The following ZNF44 variants were observed in gnomAD, a reference collection of about 807,000 sequenced individuals.
The protein encoded by ZNF44 is zinc finger protein 44.
Under a neutral mutation model 11.7 loss-of-function variants are expected in ZNF44, and 9 were observed. The ratio of observed to expected loss-of-function variants is 0.77; its 90% CI spans 0.46 to 1.35. The LOEUF (loss-of-function observed/expected upper bound fraction) is 1.35, where lower values mean the gene tolerates loss of function less well. Ranked by LOEUF, ZNF44 falls within the 40% of genes most tolerant of loss-of-function variation. The pLI, the probability that ZNF44 is intolerant of heterozygous loss-of-function variation, is 0.00. For synonymous variants in ZNF44, 224 were observed against 242.7 expected (o/e 0.92, Z 0.72); for missense variants, 696 against 743.1 (o/e 0.94, Z 0.74).
At chr19:12,277,838 C>T (rs562372860) in intron 1 of ZNF44, among the ~76,000 whole-genome samples, 14 of 152,320 alleles carry the variant, frequency 9.2e-5, no homozygotes, top group Admixed American at 5.2e-4. Context: ...AAACAAGGCT[C>T]TCTTTTCTAT....
At position 12,272,893 on chromosome 19, in the gene ZNF44, T is replaced by C. The variant is rs1967017540; in HGVS notation, c.1362A>G (p.Gly454=). ...AGGAAAATAAATCACTAAAAGCTTT[T>C]CCACATTTACATTTATAGGGTTGCT... The part of the protein sequence containing the change: ...TGEQPYKCKC[G]KAFSDLFSFQ... Residue 454 remains glycine (G), a synonymous_variant, in exon 4 of 4, where the codon GGA becomes GGG. Transcript: ENST00000355684. The C allele has an allele frequency of 3.7e-6, 6 of 1,613,982 alleles. No individual in the cohort carries two copies. Among genetic ancestry groups the C allele is most frequent in the Non-Finnish European group, 5.1e-6 (6 of 1,180,022 alleles).
downstream of ZNF44, among the ~76,000 whole-genome samples, chr19:12,271,514 T>C (rs1966947193): frequency 2.0e-5 from 3 of 152,292 alleles, no homozygotes; most frequent in Admixed American, 6.5e-5. Flanking sequence ...TGTTTATCTA[T>C]GATGCCACAC....
upstream of ZNF44, among the ~76,000 whole-genome samples, chr19:12,239,289 T>G (rs747414659): frequency 2.0e-5 from 3 of 151,820 alleles, no homozygotes; most frequent in Non-Finnish European, 4.4e-5. Flanking sequence ...AATTTTTGTA[T>G]TTTTAGTATA....
At chr19:12,249,096 C>T (rs1007486227) in intron 7 of ZNF44, among the ~76,000 whole-genome samples, 8 of 151,842 alleles carry the variant, frequency 5.3e-5, no homozygotes, top group African/African-American at 1.7e-4. Context: ...ACTATGTTGC[C>T]GAGGCTGGTC....
chr19:12,258,444 AT>A (rs1457585903), intron 5 of ZNF44, among the ~76,000 whole-genome samples: 1 of 152,016 alleles, frequency 6.6e-6, no homozygotes, highest in Non-Finnish European at 1.5e-5. Context: ...AGGCCCATCA[AT>A]TTACATTGAG....
downstream of ZNF44, among the ~76,000 whole-genome samples, chr19:12,270,354 G>C (rs1442111289): frequency 6.6e-6 from 1 of 151,942 alleles, no homozygotes; most frequent in Non-Finnish European, 1.5e-5. Context: ...TGATGAAAAA[G>C]TGTAAGTGAT....
Position 12,288,989 on chromosome 19 carries a change from T to C in ZNF44, c.3+5703A>G, listed in dbSNP as rs113243816. ...GCTGAACAGTTTTGCCTCTACTGAT[T>C]ACTCTGAACAAAATGCTTCCAAAGG... On this transcript the variant is annotated intron_variant, in intron 1 of 3. Coordinates refer to ENST00000355684, the MANE Select transcript of ZNF44 (RefSeq NM_016264.4). 5.3e-3 allele frequency among the ~76,000 whole-genome samples: 807 copies of C among 151,638 alleles called. 12 individuals are homozygous for C. Among genetic ancestry groups the C allele is most frequent in the African/African-American group, 0.018 (759 of 41,256 alleles).
At chr19:12,227,238 T>C (rs1481205612) in intron 3 of ZNF44, among the ~76,000 whole-genome samples, 1 of 152,246 alleles carries the variant, frequency 6.6e-6, no homozygotes. Flanking sequence ...TAGACCTTTA[T>C]AGCTGATTAT....
At chr19:12,257,751 A>C (rs1481990350) in intron 5 of ZNF44, among the ~76,000 whole-genome samples, 3 of 148,248 alleles carry the variant, frequency 2.0e-5, no homozygotes, top group Non-Finnish European at 4.5e-5. Flanking sequence ...CAGTGAGCCG[A>C]GATCGCGCCA....
chr19:12,254,232 A>G (rs1917149060), intron 5 of ZNF44, among the ~76,000 whole-genome samples: 1 of 152,146 alleles, frequency 6.6e-6, no homozygotes, highest in African/African-American at 2.4e-5. Flanking sequence ...ATATGCTTGC[A>G]GACTACAATG....
chr19:12,257,908 T>G (rs1176240446), intron 5 of ZNF44, among the ~76,000 whole-genome samples: 1 of 150,800 alleles, frequency 6.6e-6, no homozygotes. Flanking sequence ...CTGGTGGAGA[T>G]TACAGTGAGC....
At chr19:12,260,538 GC>G in intron 5 of ZNF44, 5 of 880,448 alleles carry the variant, frequency 5.7e-6, no homozygotes, top group Admixed American at 2.3e-5. Flanking sequence ...GAGCTCCTGA[GC>G]CCCCTGCCCC....
intron 3 of ZNF44, among the ~76,000 whole-genome samples, chr19:12,274,664 G>A (rs915703274): frequency 6.6e-6 from 1 of 151,508 alleles, no homozygotes; most frequent in African/African-American, 2.4e-5. Flanking sequence ...CAAACTCCCA[G>A]GCTCAAGTGA....
chr19:12,246,689 A>G (rs1313385592), downstream of ZNF44, among the ~76,000 whole-genome samples: 1 of 152,164 alleles, frequency 6.6e-6, no homozygotes, highest in Non-Finnish European at 1.5e-5. Context: ...ATGTTCATTT[A>G]TGAAAATAAG....
chr19:12,268,145 GACACACACAC>G (rs71166661), downstream of ZNF44, among the ~76,000 whole-genome samples: 1,375 of 136,842 alleles, frequency 0.01, 16 homozygotes, highest in African/African-American at 0.033. Context: ...CACACACACA[GACACACACAC>G]ACACACACAC....
downstream of ZNF44, among the ~76,000 whole-genome samples, chr19:12,246,057 A>G (rs1228416452): frequency 6.6e-6 from 1 of 152,168 alleles, no homozygotes; most frequent in African/African-American, 2.4e-5. Flanking sequence ...ATTTGTCCCT[A>G]TGCATCTGTC....
chr19:12,251,688 A>G (rs1319356432), intron 5 of ZNF44, among the ~76,000 whole-genome samples: 3 of 152,158 alleles, frequency 2.0e-5, no homozygotes, highest in Admixed American at 6.5e-5. Flanking sequence ...AAAATGCCAA[A>G]AGAGCTCTTT....
At chr19:12,248,798 T>A (rs1193196630) in intron 7 of ZNF44, 6 of 556,030 alleles carry the variant, frequency 1.1e-5, no homozygotes, top group Admixed American at 4.0e-5. Context: ...TTGTCCTGTC[T>A]AAATTGCTTG....
At chr19:12,252,125 CAT>C (rs1010815967) in intron 5 of ZNF44, among the ~76,000 whole-genome samples, 3 of 151,072 alleles carry the variant, frequency 2.0e-5, no homozygotes, top group Admixed American at 1.3e-4. Context: ...TGAATTTTCA[CAT>C]GATTATAAAA....
Sources: gnomAD v4.1 joint callset for allele counts (sites outside exome capture counted in the v4.1 genomes callset) on GRCh38, gnomAD v4.1.1 for gene constraint, MANE v1.5 for transcripts, NCBI Gene and HGNC (gene_info 2026-07-23, HGNC 2026-07-21) for gene names.